The following GRXCR1 variants were observed in gnomAD, a reference collection of about 807,000 sequenced individuals.
The protein encoded by GRXCR1 is glutaredoxin and cysteine rich domain containing 1.
In GRXCR1, 27 loss-of-function variants were observed where a neutral mutation model predicts 27.3. The observed-to-expected ratio is 0.99, with a 90% CI of 0.73 to 1.37. The LOEUF (loss-of-function observed/expected upper bound fraction) is 1.37, where lower values mean the gene tolerates loss of function less well. GRXCR1 is among the 40% of genes most tolerant of loss of function. The pLI, the probability that GRXCR1 is intolerant of heterozygous loss-of-function variation, is 0.00. For synonymous variants in GRXCR1, 122 were observed against 131.1 expected (o/e 0.93, Z 0.47); for missense variants, 379 against 354.4 (o/e 1.07, Z -0.56).
At chr4:42,969,106 G>T (rs1260988164) in intron 2 of GRXCR1, among the ~76,000 whole-genome samples, 5 of 152,036 alleles carry the variant, frequency 3.3e-5, no homozygotes, top group African/African-American at 9.7e-5. Flanking sequence ...TGGTAAATTT[G>T]TTGTTTCTGT....
At chr4:42,954,441 C>T (rs919432160) in intron 1 of GRXCR1, among the ~76,000 whole-genome samples, 4 of 152,060 alleles carry the variant, frequency 2.6e-5, no homozygotes, top group African/African-American at 9.7e-5. Context: ...AGAGTAAGGA[C>T]TTAGGAGGCA....
chr4:42,936,248 A>C (rs1466057419), intron 1 of GRXCR1, among the ~76,000 whole-genome samples: 1 of 151,928 alleles, frequency 6.6e-6, no homozygotes, highest in East Asian at 1.9e-4. Flanking sequence ...AAATTTGCTG[A>C]CATCTGAGAC....
chr4:42,916,336 AC>A (rs1162878873), intron 1 of GRXCR1, among the ~76,000 whole-genome samples: 1 of 152,136 alleles, frequency 6.6e-6, no homozygotes, highest in Non-Finnish European at 1.5e-5. Flanking sequence ...CACAAAGAGG[AC>A]CACCTAAGAA....
At chr4:42,985,025 T>C (rs1711661637) in intron 2 of GRXCR1, among the ~76,000 whole-genome samples, 1 of 152,142 alleles carries the variant, frequency 6.6e-6, no homozygotes, top group South Asian at 2.1e-4. Context: ...TAATCCTAAG[T>C]GTATGATACC....
In GRXCR1 at chr4:42,906,076, A is replaced by AT. The variant is rs557307622; in HGVS notation, c.384+12434dup. 4.6e-5 allele frequency among the ~76,000 whole-genome samples: 7 copies of AT among 151,900 alleles called. No individual in the cohort carries two copies. In the South Asian group the frequency reaches 8.3e-4, roughly 18 times the overall value. On this transcript the variant is annotated intron_variant, in intron 1 of 3. Transcript: ENST00000399770. ...TGTCCTTGAGGATTTTAATCTTTCT[A>AT]TTTTTTTTAAATCCATATTTTCTCA...
chr4:42,999,582 T>G (rs925723418), intron 2 of GRXCR1, among the ~76,000 whole-genome samples: 3 of 152,198 alleles, frequency 2.0e-5, no homozygotes, highest in Non-Finnish European at 4.4e-5. Flanking sequence ...TTTGCTGTCT[T>G]TGGCTCCTAT....
chr4:42,906,434 C>T (rs1746592528), intron 1 of GRXCR1, among the ~76,000 whole-genome samples: 1 of 152,172 alleles, frequency 6.6e-6, no homozygotes, highest in South Asian at 2.1e-4. Flanking sequence ...AACACAGTGA[C>T]TACAGAGCCA....
chr4:42,949,632 T>A (rs1007283190), intron 1 of GRXCR1, among the ~76,000 whole-genome samples: 2 of 152,104 alleles, frequency 1.3e-5, no homozygotes, highest in African/African-American at 4.8e-5. Flanking sequence ...ACTTATAGAG[T>A]TAAAGGACTC....
In GRXCR1 at chr4:43,030,601, A is replaced by G; in HGVS notation, c.*61A>G. On this transcript the variant is annotated 3_prime_UTR_variant, in exon 4 of 4. Coordinates refer to ENST00000399770, the MANE Select transcript of GRXCR1 (RefSeq NM_001080476.3). Reference sequence around the variant, plus strand: ...AATCAAAGGCAATACTTTGGTTTATATATATATTTTTAAATGGTTATGTTT... The same window carrying G: ...AATCAAAGGCAATACTTTGGTTTATGTATATATTTTTAAATGGTTATGTTT... The G allele has an allele frequency of 3.9e-6, 5 of 1,281,542 alleles. No homozygotes were observed. The highest frequency in any genetic ancestry group is 3.4e-6 in the Non-Finnish European group (3 of 884,766). 79.4% of individuals were successfully genotyped at this position (1,281,542 alleles called of 1,614,324 possible). A position where few individuals can be genotyped will look rare whatever the true frequency, so the allele number is the denominator to read the frequency against.
intron 3 of GRXCR1, among the ~76,000 whole-genome samples, chr4:43,026,808 G>A (rs905471879): frequency 6.6e-6 from 1 of 152,144 alleles, no homozygotes; most frequent in Admixed American, 6.5e-5. Context: ...CATCAGGTTG[G>A]TGTGAGAAGG....
At chr4:42,966,629 A>G (rs1748243491) in intron 2 of GRXCR1, among the ~76,000 whole-genome samples, 1 of 152,066 alleles carries the variant, frequency 6.6e-6, no homozygotes, top group African/African-American at 2.4e-5. Flanking sequence ...TGCCATAGTC[A>G]AGAAGGAGTT....
At chr4:43,005,070 G>T (rs1712513158) in intron 2 of GRXCR1, among the ~76,000 whole-genome samples, 1 of 152,132 alleles carries the variant, frequency 6.6e-6, no homozygotes, top group Non-Finnish European at 1.5e-5. Context: ...GGGGCAGTTT[G>T]CCTCATGCTG....
At chr4:42,995,776 C>T (rs56869126) in intron 2 of GRXCR1, among the ~76,000 whole-genome samples, 3,214 of 152,258 alleles carry the variant, frequency 0.021, 117 homozygotes, top group African/African-American at 0.074. Context: ...CAAGAAACAG[C>T]ATGTCACAAA....
intron 1 of GRXCR1, among the ~76,000 whole-genome samples, chr4:42,906,399 A>G (rs1560644302): frequency 6.6e-6 from 1 of 152,172 alleles, no homozygotes; most frequent in Non-Finnish European, 1.5e-5. Context: ...TTGCTCCATT[A>G]CATCAAAAGC....
At chr4:43,028,180 A>G (rs888282351) in intron 3 of GRXCR1, among the ~76,000 whole-genome samples, 3 of 152,218 alleles carry the variant, frequency 2.0e-5, no homozygotes, top group Non-Finnish European at 4.4e-5. Flanking sequence ...AGATGGATTA[A>G]TATCTCTTTT....
intron 1 of GRXCR1, among the ~76,000 whole-genome samples, chr4:42,936,434 A>AT (rs1308103752): frequency 6.6e-6 from 1 of 151,842 alleles, no homozygotes; most frequent in Non-Finnish European, 1.5e-5. Flanking sequence ...CTTTTAAAGA[A>AT]TTTTTTATTT....
At chr4:42,912,889 C>G (rs1746756092) in intron 1 of GRXCR1, among the ~76,000 whole-genome samples, 1 of 152,046 alleles carries the variant, frequency 6.6e-6, no homozygotes, top group East Asian at 1.9e-4. Context: ...GGAGCAGTTT[C>G]CCCTCTAGTG....
chr4:42,913,435 C>A (rs147970516), intron 1 of GRXCR1, among the ~76,000 whole-genome samples: 43 of 152,216 alleles, frequency 2.8e-4, no homozygotes, highest in African/African-American at 8.9e-4. Context: ...CGCTTAACAA[C>A]GAGACTGGCA....
chr4:42,908,579 T>G (rs1372569610), intron 1 of GRXCR1, among the ~76,000 whole-genome samples: 2 of 152,196 alleles, frequency 1.3e-5, no homozygotes, highest in African/African-American at 2.4e-5. Context: ...GTCCTTCTAT[T>G]TGTTAGTTCT....
Sources: allele counts gnomAD v4.1 joint callset (sites outside exome capture counted in the v4.1 genomes callset), GRCh38; gene constraint gnomAD v4.1.1; transcripts MANE v1.5; gene names NCBI Gene and HGNC (gene_info 2026-07-23, HGNC 2026-07-21).